The following CLEC16A variants were observed in gnomAD, a reference collection of about 807,000 sequenced individuals.
The protein encoded by CLEC16A is protein CLEC16A.
Under a neutral mutation model 109.5 loss-of-function variants are expected in CLEC16A, and 51 were observed. That is an observed-to-expected ratio of 0.47 (90% CI 0.37 to 0.59). The LOEUF is 0.59. Ranked by LOEUF, CLEC16A falls within the 20% of genes least tolerant of loss-of-function variation. The pLI is 0.00. For synonymous variants in CLEC16A, 673 were observed against 564.2 expected (o/e 1.19, Z -2.73); for missense variants, 1,339 against 1,394.0 (o/e 0.96, Z 0.63).
chr16:11,112,972 C>T (rs575349174), intron 19 of CLEC16A, among the ~76,000 whole-genome samples: 35 of 152,348 alleles, frequency 2.3e-4, no homozygotes, highest in Non-Finnish European at 3.7e-4. Flanking sequence ...AAGCCTCATT[C>T]TCAGTATAGG....
chr16:11,053,196 T>G (rs149039759), intron 18 of CLEC16A, among the ~76,000 whole-genome samples: 33 of 152,226 alleles, frequency 2.2e-4, no homozygotes, highest in Admixed American at 5.9e-4. Context: ...CAGCCCACAC[T>G]CTACCTTCTT....
At chr16:11,074,153 CT>C (rs71406207) in intron 19 of CLEC16A, among the ~76,000 whole-genome samples, 40,257 of 151,986 alleles carry the variant, frequency 0.26, 6,222 homozygotes, top group African/African-American at 0.43. Context: ...CTTTTCTTCT[CT>C]TTTTTTTCTT....
At position 11,174,215 on chromosome 16, in the gene CLEC16A, C is replaced by T. The variant is rs999649075; in HGVS notation, c.2807-4120C>T. The T allele has an allele frequency of 2.1e-5, 10 of 469,016 alleles. No homozygotes were observed. Among genetic ancestry groups the T allele is most frequent in the Admixed American group, 1.6e-4 (7 of 42,560 alleles). 29.1% of individuals were successfully genotyped at this position (469,016 alleles called of 1,614,324 possible). On this transcript the variant is annotated intron_variant, in intron 23 of 23. Transcript: ENST00000409790. This position sits in a 1 kb window ranked among gnomAD's most constrained non-coding sequence, Gnocchi z 4.7. Reference sequence around the variant, plus strand: ...GCCTGTCGGAGGCCGACAGTCATGGCGGCCACTGGGTTTAGTGCTCCGAAC... The same window carrying T: ...GCCTGTCGGAGGCCGACAGTCATGGTGGCCACTGGGTTTAGTGCTCCGAAC...
intron 3 of CLEC16A, among the ~76,000 whole-genome samples, chr16:10,963,817 C>G (rs1596770720): frequency 6.6e-6 from 1 of 152,174 alleles, no homozygotes; most frequent in East Asian, 1.9e-4. Flanking sequence ...TTGGCATCAT[C>G]TAAAAACATT....
At chr16:11,133,541 G>C (rs2053371242) in intron 22 of CLEC16A, among the ~76,000 whole-genome samples, 1 of 152,108 alleles carries the variant, frequency 6.6e-6, no homozygotes, top group Non-Finnish European at 1.5e-5. Flanking sequence ...ATGCAGAAAT[G>C]ACAGTGTGCT....
chr16:10,989,698 G>C (rs1337496057), intron 10 of CLEC16A, among the ~76,000 whole-genome samples: 1 of 152,170 alleles, frequency 6.6e-6, no homozygotes, highest in Non-Finnish European at 1.5e-5. Context: ...GTTTCCAGAT[G>C]AATCTCTGGA....
At chr16:11,034,862 CCTTT>C (rs1433043045) in intron 13 of CLEC16A, among the ~76,000 whole-genome samples, 1 of 152,166 alleles carries the variant, frequency 6.6e-6, no homozygotes, top group East Asian at 1.9e-4. Flanking sequence ...GCAAAACCTG[CCTTT>C]CTGTGACCAA....
At chr16:11,083,744 C>CCCCA (rs1450214074) in intron 19 of CLEC16A, among the ~76,000 whole-genome samples, 20 of 152,380 alleles carry the variant, frequency 1.3e-4, no homozygotes, top group Non-Finnish European at 8.8e-5. Flanking sequence ...CTCTCCTGAA[C>CCCCA]TGGGGCAAGC....
intron 21 of CLEC16A, 137 bp from the exon 22 acceptor site, chr16:11,125,842 G>T: frequency 2.5e-6 from 2 of 809,876 alleles, no homozygotes; most frequent in Non-Finnish European, 4.0e-6. Context: ...GCTTGAGGCT[G>T]CCTGCCGCCC....
chr16:11,029,598 C>T (rs1429136174), intron 13 of CLEC16A, among the ~76,000 whole-genome samples: 6 of 152,048 alleles, frequency 3.9e-5, no homozygotes, highest in African/African-American at 1.4e-4. Flanking sequence ...AGGGATCTCT[C>T]TCTTATGCTG....
At chr16:11,061,514 G>T (rs1004893408) in intron 19 of CLEC16A, among the ~76,000 whole-genome samples, 4 of 152,304 alleles carry the variant, frequency 2.6e-5, no homozygotes, top group Admixed American at 2.0e-4. Context: ...TACTTGTTCC[G>T]CTGTGTAGTG....
chr16:10,995,670 G>T (rs1029077144), intron 10 of CLEC16A, among the ~76,000 whole-genome samples: 1 of 152,170 alleles, frequency 6.6e-6, no homozygotes, highest in East Asian at 1.9e-4. Context: ...CCATGGTGGC[G>T]TGTGATATGG....
intron 12 of CLEC16A, chr16:11,024,600 C>A: frequency 2.2e-6 from 1 of 463,298 alleles, no homozygotes; most frequent in Non-Finnish European, 4.0e-6. Context: ...ACTAAGCAAG[C>A]AGTCTGTTCC....
At chr16:11,120,940 G>T (rs2052364938) in intron 20 of CLEC16A, among the ~76,000 whole-genome samples, 174 bp downstream of exon 20, 1 of 151,964 alleles carries the variant, frequency 6.6e-6, no homozygotes, top group Non-Finnish European at 1.5e-5. Flanking sequence ...CCACATAAAT[G>T]CACAGATAAG....
chr16:10,979,285 G>A (rs1283313830), intron 8 of CLEC16A, 44 bp from the exon 9 acceptor site: 1 of 1,579,518 alleles, frequency 6.3e-7, no homozygotes, highest in African/African-American at 1.3e-5. Flanking sequence ...CTGCTCGCTT[G>A]TGTGACCTGA....
rs945077590 is a variant in CLEC16A at position 11,164,382 on chromosome 16, C to T, written c.2642-2006C>T. 2.6e-5 allele frequency among the ~76,000 whole-genome samples: 4 copies of T among 152,220 alleles called. No individual in the cohort carries two copies. The East Asian group carries it at 7.7e-4, about 29-fold the overall frequency. On this transcript the variant is annotated intron_variant, in intron 22 of 23. Transcript: ENST00000409790. ...TGATCTTTAGACGAAAACAGCTTCA[C>T]ATGAACCTGAGTGGAAATAGCCCCT...
chr16:11,102,437 G>A (rs1417970537), intron 19 of CLEC16A, among the ~76,000 whole-genome samples: 1 of 152,232 alleles, frequency 6.6e-6, no homozygotes, highest in Non-Finnish European at 1.5e-5. Context: ...TACTGTTAAT[G>A]TTTGAAGTAT....
chr16:10,972,300 C>G (rs113397054), intron 5 of CLEC16A, among the ~76,000 whole-genome samples: 1 of 152,224 alleles, frequency 6.6e-6, no homozygotes, highest in Non-Finnish European at 1.5e-5. Context: ...CCAGGTCACA[C>G]GCTGGACCTC....
At position 11,060,931 on chromosome 16, in the gene CLEC16A, C is replaced by T; in HGVS notation, c.2025C>T (p.Ser675=). The change falls in exon 19 of 24, where the codon TCC becomes TCT. Residue 675 remains serine, a synonymous_variant. Coordinates refer to ENST00000409790, the MANE Select transcript of CLEC16A (RefSeq NM_015226.3). ...TCCGGGTGTTCTTCATGCTGCGTTC[C>T]CTGTCACTGCAATTGCGAGGGGAGC... is the stretch of plus-strand genomic sequence containing the variant. The part of the protein sequence containing the change: ...RAIRVFFMLR[S]LSLQLRGEPE... 5 of 1,612,360 alleles carry T rather than the reference C, an allele frequency of 3.1e-6. No individual in the cohort carries two copies. Among genetic ancestry groups the T allele is most frequent in the Non-Finnish European group, 3.4e-6 (4 of 1,179,252 alleles).
Sources: allele counts gnomAD v4.1 joint callset (sites outside exome capture counted in the v4.1 genomes callset), GRCh38; gene constraint gnomAD v4.1.1; non-coding constraint Gnocchi (gnomAD v3.1); transcripts MANE v1.5; gene names NCBI Gene and HGNC (gene_info 2026-07-23, HGNC 2026-07-21).